The following METTL15 variants were observed in gnomAD, a reference collection of about 807,000 sequenced individuals.
The protein encoded by METTL15 is 12S rRNA N(4)-cytidine methyltransferase METTL15.
A neutral mutation model predicts 38.3 loss-of-function variants in METTL15; 34 were observed. The observed-to-expected ratio is 0.89, with a 90% CI of 0.68 to 1.18. The LOEUF is 1.18. Among genes scored for constraint, METTL15 ranks in the 50% most tolerant of loss-of-function variants. The pLI is 0.00. For missense variants in METTL15, 438 were observed against 498.4 expected, an observed-to-expected ratio of 0.88 and a Z score of 1.15; for synonymous variants, 162 against 170.9, an observed-to-expected ratio of 0.95 and a Z score of 0.41.
chr11:28,430,198 C>T (rs1164977422), intron 6 of METTL15, among the ~76,000 whole-genome samples: 7 of 151,838 alleles, frequency 4.6e-5, no homozygotes, highest in African/African-American at 7.2e-5. Context: ...CGTCTCCACC[C>T]GGCAGCCACC....
intron 5 of METTL15, among the ~76,000 whole-genome samples, chr11:28,386,327 G>A (rs1286485557): frequency 2.0e-5 from 3 of 151,598 alleles, no homozygotes; most frequent in East Asian, 1.9e-4. Flanking sequence ...AACAAAATCC[G>A]ACTATAAGCT....
intron 6 of METTL15, among the ~76,000 whole-genome samples, chr11:28,500,387 T>C (rs1293517476): frequency 6.6e-6 from 1 of 152,226 alleles, no homozygotes; most frequent in Non-Finnish European, 1.5e-5. Context: ...TCTACATCTG[T>C]TGAGGTGAAC....
intron 3 of METTL15, among the ~76,000 whole-genome samples, chr11:28,117,281 A>G (rs201954450): frequency 0.15 from 21,272 of 143,440 alleles, 1,958 homozygotes; most frequent in East Asian, 0.28. Flanking sequence ...ATATATATAT[A>G]TATATATATA....
chr11:28,350,782 C>G (rs1299841588), intron 3 of METTL15, among the ~76,000 whole-genome samples: 1 of 152,230 alleles, frequency 6.6e-6, no homozygotes, highest in Non-Finnish European at 1.5e-5. Flanking sequence ...ACAAAAATCT[C>G]TGTCCCTAAG....
chr11:28,328,281 AT>A, intron 6 of METTL15: 1 of 931,348 alleles, frequency 1.1e-6, no homozygotes, highest in Non-Finnish European at 1.6e-6. Flanking sequence ...TGGCAAAGTA[AT>A]TTTTATAGAG....
chr11:28,417,721 T>G (rs1378124002), intron 5 of METTL15, among the ~76,000 whole-genome samples: 3 of 152,170 alleles, frequency 2.0e-5, no homozygotes, highest in African/African-American at 7.2e-5. Flanking sequence ...AATGCCTTTG[T>G]GTTTCCTGAG....
intron 3 of METTL15, among the ~76,000 whole-genome samples, chr11:28,183,139 A>G (rs533892708): frequency 6.6e-6 from 1 of 152,112 alleles, no homozygotes; most frequent in Admixed American, 6.6e-5. Flanking sequence ...GTTGCTTATC[A>G]GTTTAAGGAG....
intron 3 of METTL15, among the ~76,000 whole-genome samples, chr11:28,124,481 G>A (rs910018353): frequency 2.0e-5 from 3 of 152,018 alleles, no homozygotes; most frequent in Non-Finnish European, 4.4e-5. Flanking sequence ...ACTCGTGCAA[G>A]GAAACCTTAT....
chr11:28,344,099 C>T (rs539503692), intron 3 of METTL15, among the ~76,000 whole-genome samples: 1 of 152,282 alleles, frequency 6.6e-6, no homozygotes, highest in East Asian at 1.9e-4. Context: ...CATTGATAGT[C>T]TACTTGTTTC....
intron 6 of METTL15, among the ~76,000 whole-genome samples, chr11:28,509,123 AT>A (rs1409084629): frequency 6.6e-6 from 1 of 152,168 alleles, no homozygotes; most frequent in Admixed American, 6.5e-5. Flanking sequence ...TGCTTTCTTG[AT>A]GTTGAAAGCA....
chr11:28,181,616 C>A (rs978842885), intron 3 of METTL15, among the ~76,000 whole-genome samples: 9 of 152,008 alleles, frequency 5.9e-5, no homozygotes, highest in African/African-American at 2.2e-4. Flanking sequence ...CATAGTATTC[C>A]ATGGTGTATA....
intron 5 of METTL15, among the ~76,000 whole-genome samples, chr11:28,377,160 G>A (rs1022608194): frequency 1.4e-5 from 2 of 147,422 alleles, no homozygotes; most frequent in African/African-American, 4.9e-5. Context: ...TTCTCAAGGA[G>A]TATCTTTGTG....
chr11:28,237,747 G>T (rs191282200), intron 4 of METTL15, among the ~76,000 whole-genome samples: 7 of 152,140 alleles, frequency 4.6e-5, no homozygotes, highest in African/African-American at 1.7e-4. Context: ...TCTACTTTTG[G>T]TCTTTGATGA....
chr11:28,279,269 A>T (rs775704499), intron 4 of METTL15, among the ~76,000 whole-genome samples: 1 of 151,982 alleles, frequency 6.6e-6, no homozygotes. Context: ...CTGTCTTCTT[A>T]CTTTCACCTT....
At chr11:28,288,767 C>G (rs1266989563) in intron 4 of METTL15, among the ~76,000 whole-genome samples, 1 of 152,098 alleles carries the variant, frequency 6.6e-6, no homozygotes, top group Non-Finnish European at 1.5e-5. Context: ...CCCCATGATA[C>G]AAGTTTGCCT....
At chr11:28,405,086 C>T (rs1281586961) in intron 5 of METTL15, among the ~76,000 whole-genome samples, 1 of 152,050 alleles carries the variant, frequency 6.6e-6, no homozygotes, top group African/African-American at 2.4e-5. Context: ...CTGCAGCGTG[C>T]CAACAAAAGC....
intron 3 of METTL15, chr11:28,163,479 G>A (rs930523518): frequency 5.0e-6 from 2 of 396,820 alleles, no homozygotes; most frequent in Admixed American, 4.4e-5. Flanking sequence ...GCTGTTACTC[G>A]GTTATCTAAT....
intron 5 of METTL15, among the ~76,000 whole-genome samples, chr11:28,374,510 G>C (rs1850283454): frequency 1.5e-5 from 2 of 136,064 alleles, no homozygotes; most frequent in Non-Finnish European, 3.3e-5. Flanking sequence ...TTTGTACATT[G>C]ATTTTGTATC....
chr11:28,268,066 G>A (rs1322149501), intron 4 of METTL15, among the ~76,000 whole-genome samples: 2 of 150,244 alleles, frequency 1.3e-5, no homozygotes, highest in Non-Finnish European at 3.0e-5. Context: ...GCATAGTGGC[G>A]GGCGCCTGTA....
Sources: gnomAD v4.1 joint callset for allele counts (sites outside exome capture counted in the v4.1 genomes callset) on GRCh38, gnomAD v4.1.1 for gene constraint, MANE v1.5 for transcripts, NCBI Gene and HGNC (gene_info 2026-07-23, HGNC 2026-07-21) for gene names.